ULK4: variants seen among roughly 807,000 people sequenced by gnomAD.
ULK4 encodes the protein unc-51 like kinase 4.
Under a neutral mutation model 160.6 loss-of-function variants are expected in ULK4, and 133 were observed. The observed-to-expected ratio is 0.83, with a 90% CI of 0.72 to 0.96. The LOEUF (loss-of-function observed/expected upper bound fraction) is 0.96. ULK4 is among the 40% of genes least tolerant of loss of function. The pLI, the probability that ULK4 is intolerant of heterozygous loss-of-function variation, is 0.00. For missense variants in ULK4, 1,580 were observed against 1,499.5 expected (o/e 1.05, Z -0.89); for synonymous variants, 534 against 539.8 (o/e 0.99, Z 0.15).
At chr3:41,955,504 T>C (rs754094578) in intron 1 of ULK4, 1 of 152,412 alleles carries the variant, frequency 6.6e-6, no homozygotes, top group East Asian at 1.9e-4. Context: ...TTACCAAAAA[T>C]GGGAGCAAGC....
intron 25 of ULK4, among the ~76,000 whole-genome samples, chr3:41,709,066 TATGA>T (rs2125833699): frequency 6.6e-6 from 1 of 152,324 alleles, no homozygotes; most frequent in African/African-American, 2.4e-5. Flanking sequence ...AATGCATCTA[TATGA>T]ATGGAAAACG....
At chr3:41,764,999 C>A (rs558509880) in intron 21 of ULK4, among the ~76,000 whole-genome samples, 4 of 152,124 alleles carry the variant, frequency 2.6e-5, no homozygotes, top group Admixed American at 2.6e-4. Flanking sequence ...GCCAGTGTGG[C>A]GATTCCTCAG....
intron 32 of ULK4, among the ~76,000 whole-genome samples, chr3:41,473,572 G>C (rs1338395423): frequency 6.7e-6 from 1 of 149,062 alleles, no homozygotes; most frequent in African/African-American, 2.5e-5. Context: ...TGAGGTGGGA[G>C]CATCGCTTGA....
chr3:41,918,343 T>C, intron 7 of ULK4, 114 bp downstream of exon 7: 1 of 629,718 alleles, frequency 1.6e-6, no homozygotes. Flanking sequence ...TTGGGATCAT[T>C]TATAAAAGAT....
intron 32 of ULK4, among the ~76,000 whole-genome samples, chr3:41,466,585 A>G (rs1019656685): frequency 6.6e-6 from 1 of 152,220 alleles, no homozygotes; most frequent in African/African-American, 2.4e-5. Flanking sequence ...GTAAGAGAAG[A>G]TTTTGCAACT....
chr3:41,815,240 T>C (rs1159662681), intron 19 of ULK4, among the ~76,000 whole-genome samples: 4 of 152,216 alleles, frequency 2.6e-5, no homozygotes, highest in Non-Finnish European at 5.9e-5. Flanking sequence ...TCTTAACTAT[T>C]CAGTCCATTT....
At chr3:41,603,985 T>C (rs1362289002) in intron 31 of ULK4, among the ~76,000 whole-genome samples, 1 of 152,058 alleles carries the variant, frequency 6.6e-6, no homozygotes. Flanking sequence ...TGCCAGATGA[T>C]AGATGAGGCT....
At chr3:41,436,134 T>C (rs1027140223) in intron 34 of ULK4, among the ~76,000 whole-genome samples, 9 of 152,166 alleles carry the variant, frequency 5.9e-5, no homozygotes, top group African/African-American at 1.7e-4. Flanking sequence ...AGTCAATAAA[T>C]TGCATGAGAT....
At chr3:41,724,348 C>T (rs1327531304) in intron 22 of ULK4, among the ~76,000 whole-genome samples, 3 of 152,094 alleles carry the variant, frequency 2.0e-5, no homozygotes, top group Non-Finnish European at 4.4e-5. Flanking sequence ...AAGCATGCCT[C>T]GATTCAGTTT....
chr3:41,841,993 A>C (rs1040055844), intron 17 of ULK4, among the ~76,000 whole-genome samples: 5 of 152,098 alleles, frequency 3.3e-5, no homozygotes, highest in African/African-American at 1.2e-4. Context: ...CAGGGACACA[A>C]ACACTGCCAA....
Position 41,589,792 on chromosome 3 carries a change from T to A in ULK4, c.3121-23662A>T, listed in dbSNP as rs188882363. On this transcript the variant is annotated intron_variant, in intron 31 of 36. Coordinates refer to ENST00000301831, the MANE Select transcript of ULK4 (RefSeq NM_017886.4). ...AATGCAAAATATACAATGTCAGAAA[T>A]GAAATATTGCTACACAAAAGAAGAA... 4.0e-5 allele frequency among the ~76,000 whole-genome samples: 6 copies of A among 151,882 alleles called. No individual in the cohort carries two copies. In the East Asian group the frequency reaches 1.2e-3, roughly 29 times the overall value.
intron 35 of ULK4, among the ~76,000 whole-genome samples, chr3:41,306,588 C>T (rs1389165443): frequency 2.6e-5 from 4 of 151,412 alleles, no homozygotes; most frequent in African/African-American, 7.3e-5. Context: ...TCTGCCCGGC[C>T]GCCCCTACTG....
At chr3:41,644,204 T>C (rs1443501604) in intron 30 of ULK4, among the ~76,000 whole-genome samples, 9 of 151,904 alleles carry the variant, frequency 5.9e-5, no homozygotes, top group South Asian at 2.1e-4. Context: ...TGCCTAATTG[T>C]CCTGGCCAGA....
intron 25 of ULK4, among the ~76,000 whole-genome samples, chr3:41,706,887 GTGTA>G (rs1242709855): frequency 1.1e-3 from 146 of 127,544 alleles, no homozygotes; most frequent in South Asian, 2.9e-3. Flanking sequence ...GTGTGTGTGT[GTGTA>G]TATATATATA....
chr3:41,712,111 T>C (rs2037115783), intron 25 of ULK4, among the ~76,000 whole-genome samples: 1 of 152,234 alleles, frequency 6.6e-6, no homozygotes, highest in Non-Finnish European at 1.5e-5. Context: ...TTCATTTTCC[T>C]TGGGGGAAAA....
At chr3:41,794,685 A>AAAAAAAAAAAAAAC (rs1553654846) in intron 20 of ULK4, among the ~76,000 whole-genome samples, 42 of 129,082 alleles carry the variant, frequency 3.3e-4, no homozygotes, top group Non-Finnish European at 5.8e-4. Context: ...AAAAAAAAAA[A>AAAAAAAAAAAAAAC]ACACAGAAAA....
chr3:41,938,253 A>G, intron 2 of ULK4, 56 bp from the exon 3 acceptor site: 2 of 1,344,404 alleles, frequency 1.5e-6, no homozygotes, highest in Non-Finnish European at 2.1e-6. Context: ...TCTTACATCT[A>G]CTGAGAAAAA....
intron 2 of ULK4, among the ~76,000 whole-genome samples, chr3:41,941,755 CAAAAAAAAAAAAAAA>C (rs565727539): frequency 3.3e-5 from 1 of 30,730 alleles, no homozygotes; most frequent in African/African-American, 8.1e-5. Context: ...GACTCTGTCT[CAAAAAAAAAAAAAAA>C]AAAAAAAAAG....
chr3:41,355,355 TG>T (rs1165574266), intron 35 of ULK4, among the ~76,000 whole-genome samples: 1 of 152,218 alleles, frequency 6.6e-6, no homozygotes, highest in Non-Finnish European at 1.5e-5. Context: ...AAAATGCTCT[TG>T]GGCTTGTCAA....
Sources: gnomAD v4.1 joint callset for allele counts (sites outside exome capture counted in the v4.1 genomes callset) on GRCh38, gnomAD v4.1.1 for gene constraint, MANE v1.5 for transcripts, NCBI Gene and HGNC (gene_info 2026-07-23, HGNC 2026-07-21) for gene names.